The following OTOF variants were observed in gnomAD, a reference collection of about 807,000 sequenced individuals.
The protein encoded by OTOF is fer-1-like family member 2.
In OTOF, 218 loss-of-function variants were observed where a neutral mutation model predicts 236.8. That is an observed-to-expected ratio of 0.92 (90% CI 0.82 to 1.03). The LOEUF is 1.03. OTOF is among the 50% of genes least tolerant of loss of function. OTOF has a pLI of 0.00. For synonymous variants in OTOF, 1,041 were observed against 1,072.5 expected (o/e 0.97, Z 0.57); for missense variants, 2,590 against 2,694.4 (o/e 0.96, Z 0.86).
intron 2 of OTOF, among the ~76,000 whole-genome samples, chr2:26,533,521 G>C (rs1397963331): frequency 6.6e-6 from 1 of 152,054 alleles, no homozygotes; most frequent in African/African-American, 2.4e-5. Context: ...GATCTCAGCT[G>C]GTCTTCTTGG....
At chr2:26,498,524 T>C (rs962192607) in intron 8 of OTOF, among the ~76,000 whole-genome samples, 7 of 152,094 alleles carry the variant, frequency 4.6e-5, no homozygotes, top group African/African-American at 1.7e-4. Context: ...GCCATCCTTC[T>C]CTCCAATCAT....
chr2:26,466,026 G>A lies in OTOF; in HGVS notation c.4551C>T (p.Ile1517=), dbSNP rs746457837. 5.1e-5 allele frequency: 82 copies of A among 1,614,124 alleles called. No individual in the cohort carries two copies. Among genetic ancestry groups the A allele is most frequent in the Non-Finnish European group, 6.6e-5 (78 of 1,180,054 alleles). The change falls in exon 37 of 47, where the codon ATC becomes ATT. Residue 1517 remains isoleucine (I), a synonymous_variant. Coordinates refer to ENST00000272371, the MANE Select transcript of OTOF (RefSeq NM_194248.3). ...TGTCAGTCTTGCCTAGCCGGATGGC[G>A]ATGTAGGGGTCAGCTTTGCCGTTGA... ...ADINGKADPY[I]AIRLGKTDIR...
chr2:26,544,763 C>T (rs991865015), intron 1 of OTOF, among the ~76,000 whole-genome samples: 8 of 152,020 alleles, frequency 5.3e-5, no homozygotes, highest in South Asian at 2.1e-4. Flanking sequence ...GCTGGCCGGG[C>T]GCAATGGCTC....
rs1305837800 is a variant in OTOF at position 26,544,723 on chromosome 2, G to A, written c.80-6949C>T. The stretch of plus-strand genomic sequence containing the variant: ...CTAAGAACAGAATGGTTATGTCACA[G>A]GATAGGTACCCTTAGCTTTATAAGA... On this transcript the variant is annotated intron_variant, in intron 1 of 46. Transcript: ENST00000272371. Among the ~76,000 whole-genome samples, 5 of 152,126 alleles carry A rather than the reference G, an allele frequency of 3.3e-5. No homozygotes were observed. The East Asian group carries it at 9.6e-4, about 29-fold the overall frequency.
At position 26,461,084 on chromosome 2, in the gene OTOF, T is replaced by TG; in HGVS notation, c.5534-55dup. The TG allele has an allele frequency of 6.8e-6, 1 of 146,488 alleles. No homozygotes were observed. The highest frequency in any genetic ancestry group is 1.3e-5 in the Non-Finnish European group (1 of 74,092). 9.1% of individuals were successfully genotyped at this position (146,488 alleles called of 1,614,324 possible). A position where few individuals can be genotyped will look rare whatever the true frequency, so the allele number is the denominator to read the frequency against. On this transcript the variant is annotated intron_variant, in intron 43 of 46. Coordinates refer to ENST00000272371, the MANE Select transcript of OTOF (RefSeq NM_194248.3). The surrounding 1 kb of genome is among the most constrained non-coding windows in gnomAD (Gnocchi z 6.2). ...TGAACAGGGCTGGGGTGGGGCGGGG[T>TG]GGGGGTGGGGGTCTGGGCTCCTCGG... is the stretch of plus-strand genomic sequence containing the variant.
chr2:26,530,103 G>A (rs2148115213), intron 2 of OTOF, among the ~76,000 whole-genome samples: 1 of 152,296 alleles, frequency 6.6e-6, no homozygotes, highest in East Asian at 1.9e-4. Context: ...TGGTTTACTG[G>A]GGATGAAGAG....
intron 8 of OTOF, among the ~76,000 whole-genome samples, chr2:26,501,470 G>A (rs573828134): frequency 6.6e-6 from 1 of 152,186 alleles, no homozygotes; most frequent in Admixed American, 6.5e-5. Flanking sequence ...GTTTTTCTAG[G>A]TGCTTCTCAC....
At chr2:26,545,430 T>A (rs2148130401) in intron 1 of OTOF, among the ~76,000 whole-genome samples, 1 of 152,346 alleles carries the variant, frequency 6.6e-6, no homozygotes, top group African/African-American at 2.4e-5. Flanking sequence ...TAAATGTGAA[T>A]ATTTTCTTCC....
chr2:26,475,774 C>T, intron 24 of OTOF, 140 bp downstream of exon 24: 2 of 1,134,392 alleles, frequency 1.8e-6, no homozygotes, highest in Non-Finnish European at 2.5e-6. Flanking sequence ...TGCAGGGCTT[C>T]CCCTGAGAAA....
chr2:26,472,341 C>T (rs1468582322), intron 30 of OTOF, 178 bp downstream of exon 30: 5 of 763,536 alleles, frequency 6.5e-6, no homozygotes, highest in Non-Finnish European at 1.2e-5. Flanking sequence ...GTGTGCATTC[C>T]AGGATAGTAT....
At chr2:26,539,389 A>C (rs1667156693) in intron 1 of OTOF, among the ~76,000 whole-genome samples, 1 of 152,180 alleles carries the variant, frequency 6.6e-6, no homozygotes, top group African/African-American at 2.4e-5. Context: ...ACCAAAACCC[A>C]AACTATATGC....
In OTOF at chr2:26,537,712, C is replaced by T. The variant is rs1667107611; in HGVS notation, c.138+4G>A. 3 of 1,552,422 alleles carry T rather than the reference C, an allele frequency of 1.9e-6. No individual in the cohort carries two copies. In the South Asian group the frequency reaches 3.6e-5, roughly 18 times the overall value. ...GAGGGAGGGGGGAGTCTTGGGCCTC[C>T]TACCTCATCAAAGTCAGCCACATCC... On this transcript the variant is annotated splice_donor_region_variant and intron_variant, in intron 2 of 46. Coordinates refer to ENST00000272371, the MANE Select transcript of OTOF (RefSeq NM_194248.3).
intron 40 of OTOF, 151 bp from the exon 41 acceptor site, chr2:26,463,722 T>C (rs774566248): frequency 1.7e-4 from 141 of 823,498 alleles, no homozygotes; most frequent in Non-Finnish European, 2.5e-4. Context: ...ATGTCACCAA[T>C]AGCCAATCAC....
Position 26,516,616 on chromosome 2 carries a change from G to A in OTOF, c.328-17C>T, listed in dbSNP as rs758796419. ...CAGGCTGGTCTGAAGGGAGGGAGGC[G>A]GTGGTGAGCAGCTGGGATGGTGACA... On this transcript the variant is annotated splice_polypyrimidine_tract_variant and intron_variant, in intron 4 of 46. Transcript: ENST00000272371. 1.0e-5 allele frequency: 16 copies of A among 1,601,624 alleles called. No homozygotes were observed. The highest frequency in any genetic ancestry group is 4.0e-5 in the African/African-American group (3 of 74,916).
At chr2:26,512,479 G>A (rs1314212148) in intron 5 of OTOF, among the ~76,000 whole-genome samples, 2 of 152,354 alleles carry the variant, frequency 1.3e-5, no homozygotes, top group Admixed American at 1.3e-4. Context: ...CCAGAGACTA[G>A]GGCAGGCATA....
In OTOF at chr2:26,502,390, T is replaced by C. The variant is rs539804348; in HGVS notation, c.620A>G (p.His207Arg). Residue 207 changes from histidine (H) to arginine (R), a missense_variant, in exon 7 of 47, where the codon CAT becomes CGT. His to Arg is a conservative substitution (Grantham distance 29, BLOSUM62 0). Coordinates refer to ENST00000272371, the MANE Select transcript of OTOF (RefSeq NM_194248.3). ...TCCATCTCCTAGCCGAATGGCCAGA[T>C]GGTCAAGGTCTTCCATCTCCAGCAC... is the stretch of plus-strand genomic sequence containing the variant. ...PAVLEMEDLD[H>R]LAIRLGDGLD... 1 of 1,613,968 alleles carries C rather than the reference T, an allele frequency of 6.2e-7. No individual in the cohort carries two copies. The highest frequency in any genetic ancestry group is 1.1e-5 in the South Asian group (1 of 91,048).
Position 26,522,058 on chromosome 2 carries a change from C to G in OTOF, c.228-2949G>C, listed in dbSNP as rs147486592. On this transcript the variant is annotated intron_variant, in intron 3 of 46. Transcript: ENST00000272371. ...AGTCCCCCACCCTTCAAGCTGTGCA[C>G]AGCCTCGCACAGCCAGAGCTTGTCT... 1.1e-3 allele frequency among the ~76,000 whole-genome samples: 169 copies of G among 152,304 alleles called. 2 individuals are homozygous for G. Among genetic ancestry groups the G allele is most frequent in the African/African-American group, 2.9e-3 (122 of 41,576 alleles).
intron 3 of OTOF, among the ~76,000 whole-genome samples, chr2:26,525,821 T>C (rs1019116960): frequency 6.6e-6 from 1 of 151,930 alleles, no homozygotes; most frequent in Admixed American, 6.6e-5. Context: ...AAGTGGTGGC[T>C]CACGCCTGTA....
Position 26,503,790 on chromosome 2 carries a change from C to T in OTOF, c.565G>A (p.Glu189Lys). The change falls in exon 6 of 47, where the codon GAG (glutamate) becomes AAG (lysine). Residue 189 changes from glutamate to lysine, a missense_variant. By Grantham distance (56) the Glu-to-Lys change is moderately conservative. Around this residue, in one of 2 missense-constraint regions of OTOF, gnomAD observed 1,379 missense variants for 1,341.6 expected, o/e 1.03. Coordinates refer to ENST00000272371, the MANE Select transcript of OTOF (RefSeq NM_194248.3). ...GTCCTACCTGGTCTTTGGGGCTCCT[C>T]CTTGTGAGACCGGTTTTTGCCGAGC... ...MKLGKNRSHK[E>K]EPQRPDEPAV... 1 of 1,614,050 alleles carries T rather than the reference C, an allele frequency of 6.2e-7. No homozygotes were observed. Among genetic ancestry groups the T allele is most frequent in the Middle Eastern group, 1.7e-4 (1 of 6,058 alleles).
Sources: allele counts gnomAD v4.1 joint callset (sites outside exome capture counted in the v4.1 genomes callset), GRCh38; gene constraint gnomAD v4.1.1; regional missense constraint gnomAD v4.1.1; non-coding constraint Gnocchi (gnomAD v3.1); transcripts MANE v1.5; gene names NCBI Gene and HGNC (gene_info 2026-07-23, HGNC 2026-07-21).